The following SPIN1 variants were observed in gnomAD, a reference collection of about 807,000 sequenced individuals.
SPIN1 encodes spindlin-1.
SPIN1 carries 3 observed loss-of-function variants against 26.0 expected under a neutral mutation model. The ratio of observed to expected loss-of-function variants is 0.12; its 90% CI spans 0.05 to 0.30. SPIN1 has a LOEUF of 0.30. Among genes scored for constraint, SPIN1 ranks in the 10% least tolerant of loss-of-function variants. SPIN1 has a pLI of 1.00. For missense variants in SPIN1, 126 were observed against 333.4 expected, an observed-to-expected ratio of 0.38 and a Z score of 4.84; for synonymous variants, 101 against 116.5, an observed-to-expected ratio of 0.87 and a Z score of 0.86.
chr9:88,407,174 G>A (rs1827328936), intron 1 of SPIN1, among the ~76,000 whole-genome samples: 1 of 143,148 alleles, frequency 7.0e-6, no homozygotes, highest in Non-Finnish European at 1.5e-5. Flanking sequence ...GTCTCACTCT[G>A]TTGCCCAGGC....
chr9:88,411,571 T>C (rs1439934005), intron 1 of SPIN1: 1 of 597,522 alleles, frequency 1.7e-6, no homozygotes, highest in Non-Finnish European at 2.9e-6. Flanking sequence ...TAGAGTGCAG[T>C]GGCATGATCT....
At chr9:88,467,267 G>GGT (rs1331945486) in intron 4 of SPIN1, among the ~76,000 whole-genome samples, 3 of 151,968 alleles carry the variant, frequency 2.0e-5, no homozygotes, top group African/African-American at 7.3e-5. Context: ...AACCACATGG[G>GGT]GTATCTGATT....
intron 1 of SPIN1, among the ~76,000 whole-genome samples, chr9:88,392,666 A>G (rs1587767044): frequency 6.6e-6 from 1 of 150,748 alleles, no homozygotes; most frequent in Admixed American, 6.6e-5. Flanking sequence ...CTATCTACCT[A>G]GCTACTATTT....
rs140522640 is a variant in SPIN1 at position 88,410,161 on chromosome 9, T to TTGTGTG, written c.-158-16221_-158-16220insTGTGTG. Among the ~76,000 whole-genome samples, 1,050 of 113,620 alleles carry TTGTGTG rather than the reference T, an allele frequency of 9.2e-3. 9 individuals carry two copies. Among genetic ancestry groups the TTGTGTG allele is most frequent in the African/African-American group, 0.052 (977 of 18,802 alleles). 74.5% of individuals were successfully genotyped at this position (113,620 alleles called of 152,430 possible). A position where few individuals can be genotyped will look rare whatever the true frequency, so the allele number is the denominator to read the frequency against. ...TATTTGATGCTTTCATGCATATATT[T>TTGTGTG]AGTGTGTGTGTGTGTGTGTGTGTGT... On this transcript the variant is annotated intron_variant, in intron 1 of 5. Coordinates refer to ENST00000375859, the MANE Select transcript of SPIN1 (RefSeq NM_006717.3).
At chr9:88,418,333 TG>T in intron 1 of SPIN1, among the ~76,000 whole-genome samples, 1 of 152,322 alleles carries the variant, frequency 6.6e-6, no homozygotes, top group Non-Finnish European at 1.5e-5. Context: ...TACCAGGAAA[TG>T]GAAGAACAAA....
intron 1 of SPIN1, chr9:88,411,069 C>A: frequency 6.4e-7 from 1 of 1,571,230 alleles, no homozygotes; most frequent in Non-Finnish European, 8.6e-7. Flanking sequence ...TCAATCACTT[C>A]AGTTTTTCAG....
chr9:88,457,885 G>T (rs1294593023), intron 3 of SPIN1: 1 of 984,816 alleles, frequency 1.0e-6, no homozygotes, highest in Non-Finnish European at 1.2e-6. Flanking sequence ...AAATTAAAAA[G>T]TTACTAAGAT....
At chr9:88,471,290 T>C (rs755777789) in intron 5 of SPIN1, among the ~76,000 whole-genome samples, 45 of 152,138 alleles carry the variant, frequency 3.0e-4, no homozygotes, top group Non-Finnish European at 7.4e-5. Context: ...AGGGTCCAAC[T>C]TCATTTTTTT....
intron 2 of SPIN1, among the ~76,000 whole-genome samples, chr9:88,438,760 T>C (rs573848099): frequency 2.0e-5 from 3 of 152,326 alleles, no homozygotes; most frequent in South Asian, 2.1e-4. Flanking sequence ...TCTGAAACTT[T>C]TTGAGTAACT....
intron 1 of SPIN1, among the ~76,000 whole-genome samples, chr9:88,399,724 A>AT (rs1485257402): frequency 2.0e-5 from 3 of 152,110 alleles, no homozygotes; most frequent in African/African-American, 7.2e-5. Flanking sequence ...CTGCACAAAA[A>AT]TCTCTTGTGA....
At chr9:88,439,770 C>G (rs1400461538) in intron 2 of SPIN1, among the ~76,000 whole-genome samples, 1 of 152,172 alleles carries the variant, frequency 6.6e-6, no homozygotes, top group Non-Finnish European at 1.5e-5. Flanking sequence ...CCTCCAAACT[C>G]TGCTTTTTCT....
chr9:88,400,036 G>A (rs1208932276), intron 1 of SPIN1, among the ~76,000 whole-genome samples: 1 of 152,118 alleles, frequency 6.6e-6, no homozygotes, highest in Non-Finnish European at 1.5e-5. Flanking sequence ...TGCCTTTCCC[G>A]GAGAAGCAGC....
At chr9:88,433,932 A>T (rs1384898645) in intron 2 of SPIN1, among the ~76,000 whole-genome samples, 1 of 152,150 alleles carries the variant, frequency 6.6e-6, no homozygotes, top group Non-Finnish European at 1.5e-5. Context: ...GTTATAAGGA[A>T]ACAACTTTGA....
At chr9:88,406,675 G>A (rs149466435) in intron 1 of SPIN1, among the ~76,000 whole-genome samples, 375 of 152,106 alleles carry the variant, frequency 2.5e-3, no homozygotes, top group Middle Eastern at 3.4e-3. Context: ...AGTAACTGAC[G>A]TTTAGTTTCA....
At chr9:88,403,973 A>G (rs1237440022) in intron 1 of SPIN1, among the ~76,000 whole-genome samples, 5 of 152,202 alleles carry the variant, frequency 3.3e-5, no homozygotes, top group African/African-American at 9.6e-5. Flanking sequence ...CAAAACTTAG[A>G]TGGTGTAGCC....
In SPIN1 at chr9:88,468,695, AT is replaced by A. The variant is rs1033835422; in HGVS notation, c.589+95del. 72 of 792,192 alleles carry A rather than the reference AT, an allele frequency of 9.1e-5. No homozygotes were observed. The Middle Eastern group carries it at 1.3e-3, about 14-fold the overall frequency. 49.1% of individuals were successfully genotyped at this position (792,192 alleles called of 1,614,324 possible). ...ATTTGATTGGCTCTTTTGCAGATAC[AT>A]TTTTATTTTTGGATATATGATTCTT... On this transcript the variant is annotated intron_variant, in intron 5 of 5. Transcript: ENST00000375859.
chr9:88,468,233 G>A (rs1291568003), intron 4 of SPIN1, 139 bp from the exon 5 acceptor site: 4 of 552,082 alleles, frequency 7.2e-6, no homozygotes, highest in Non-Finnish European at 1.2e-5. Context: ...ACTTTTTAAA[G>A]CTTTCCCAGA....
chr9:88,410,349 T>A (rs564523421), intron 1 of SPIN1, among the ~76,000 whole-genome samples: 1 of 152,310 alleles, frequency 6.6e-6, no homozygotes, highest in East Asian at 1.9e-4. Flanking sequence ...ATACAATTAG[T>A]CACAAATACA....
intron 2 of SPIN1, among the ~76,000 whole-genome samples, chr9:88,448,201 G>A (rs1209187963): frequency 2.6e-5 from 4 of 151,526 alleles, no homozygotes; most frequent in South Asian, 4.2e-4. Context: ...ACGCCACCAC[G>A]CCTGGCTAAT....
Sources: allele counts gnomAD v4.1 joint callset (sites outside exome capture counted in the v4.1 genomes callset), GRCh38; gene constraint gnomAD v4.1.1; transcripts MANE v1.5; gene names NCBI Gene and HGNC (gene_info 2026-07-23, HGNC 2026-07-21).